Variants in CAMK1D observed in about 807,000 individuals in gnomAD.
The protein encoded by CAMK1D is calcium/calmodulin dependent protein kinase ID.
CAMK1D carries 9 observed loss-of-function variants against 47.7 expected under a neutral mutation model. The observed-to-expected ratio is 0.19, with a 90% CI of 0.11 to 0.33. The LOEUF (loss-of-function observed/expected upper bound fraction) is 0.33. CAMK1D is among the 10% of genes least tolerant of loss of function. The pLI, the probability that CAMK1D is intolerant of heterozygous loss-of-function variation, is 1.00. For synonymous variants in CAMK1D, 184 were observed against 184.9 expected, an observed-to-expected ratio of 0.99 and a Z score of 0.04; for missense variants, 291 against 488.7, an observed-to-expected ratio of 0.60 and a Z score of 3.81.
intron 1 of CAMK1D, among the ~76,000 whole-genome samples, chr10:12,393,411 C>CA (rs1838819041): frequency 6.6e-6 from 1 of 152,074 alleles, no homozygotes; most frequent in Non-Finnish European, 1.5e-5. Flanking sequence ...CTGAGAGAGG[C>CA]AAAAACATTT....
intron 3 of CAMK1D, among the ~76,000 whole-genome samples, chr10:12,744,778 G>A (rs1438264112): frequency 6.6e-6 from 1 of 151,668 alleles, no homozygotes; most frequent in Admixed American, 6.6e-5. Context: ...GCTCATGCCT[G>A]TAATCCCAGC....
chr10:12,592,791 A>G (rs1451539919), intron 2 of CAMK1D, among the ~76,000 whole-genome samples: 1 of 152,248 alleles, frequency 6.6e-6, no homozygotes, highest in Non-Finnish European at 1.5e-5. Context: ...ATTATTAGGC[A>G]GAAATCCTGT....
At chr10:12,721,204 G>T (rs1056481203) in intron 3 of CAMK1D, among the ~76,000 whole-genome samples, 1 of 152,184 alleles carries the variant, frequency 6.6e-6, no homozygotes, top group African/African-American at 2.4e-5. Flanking sequence ...ATATCCTGTC[G>T]TGGTTCCCCA....
At chr10:12,805,337 A>G (rs1312749835) in intron 6 of CAMK1D, among the ~76,000 whole-genome samples, 1 of 150,946 alleles carries the variant, frequency 6.6e-6, no homozygotes, top group Non-Finnish European at 1.5e-5. Context: ...CATTATAATC[A>G]TGATAATAAG....
intron 1 of CAMK1D, among the ~76,000 whole-genome samples, chr10:12,489,561 G>A (rs1379802034): frequency 6.6e-6 from 1 of 152,188 alleles, no homozygotes; most frequent in Non-Finnish European, 1.5e-5. Flanking sequence ...CAGGCTCTTG[G>A]GGTGGCCTTG....
intron 1 of CAMK1D, among the ~76,000 whole-genome samples, chr10:12,390,699 G>T (rs898066271): frequency 6.6e-6 from 1 of 152,150 alleles, no homozygotes. Flanking sequence ...GTCATGTCAC[G>T]TGGGAGCAGA....
chr10:12,639,312 C>G (rs1373005573), intron 2 of CAMK1D, among the ~76,000 whole-genome samples: 2 of 152,188 alleles, frequency 1.3e-5, no homozygotes, highest in African/African-American at 4.8e-5. Flanking sequence ...TGGTGAAACC[C>G]TGTGTCTACT....
At chr10:12,518,427 C>T (rs1835274838) in intron 1 of CAMK1D, among the ~76,000 whole-genome samples, 1 of 152,136 alleles carries the variant, frequency 6.6e-6, no homozygotes, top group Non-Finnish European at 1.5e-5. Context: ...CTTTTATTAG[C>T]CCTTTAATGT....
At chr10:12,362,488 G>C (rs12358303) in intron 1 of CAMK1D, among the ~76,000 whole-genome samples, 1 of 109,034 alleles carries the variant, frequency 9.2e-6, no homozygotes, top group Admixed American at 1.0e-4. Context: ...TGTACTTTTT[G>C]TTTTTTGTTT....
intron 1 of CAMK1D, among the ~76,000 whole-genome samples, chr10:12,534,487 C>T (rs1835907301): frequency 6.6e-6 from 1 of 152,208 alleles, no homozygotes; most frequent in South Asian, 2.1e-4. Flanking sequence ...CTGTCTCAGC[C>T]TCCTGAGTAG....
At chr10:12,733,512 A>G (rs926537356) in intron 3 of CAMK1D, among the ~76,000 whole-genome samples, 3 of 152,180 alleles carry the variant, frequency 2.0e-5, no homozygotes, top group Non-Finnish European at 4.4e-5. Flanking sequence ...AATTTCCATC[A>G]GACTAGGCAA....
intron 5 of CAMK1D, among the ~76,000 whole-genome samples, chr10:12,783,397 A>G (rs1588922301): frequency 6.6e-6 from 1 of 152,346 alleles, no homozygotes; most frequent in African/African-American, 2.4e-5. Flanking sequence ...TGGAGGGGTC[A>G]TGTGTGAAGG....
chr10:12,480,811 C>T (rs1834041633), intron 1 of CAMK1D, among the ~76,000 whole-genome samples: 2 of 152,166 alleles, frequency 1.3e-5, no homozygotes, highest in Admixed American at 1.3e-4. Flanking sequence ...AATAAGTGCA[C>T]ATTGGATGGC....
chr10:12,466,980 T>C (rs1039674873), intron 1 of CAMK1D, among the ~76,000 whole-genome samples: 2 of 152,156 alleles, frequency 1.3e-5, no homozygotes, highest in East Asian at 1.9e-4. Context: ...ATGACTCATT[T>C]TGAAGCAAAG....
intron 1 of CAMK1D, among the ~76,000 whole-genome samples, chr10:12,404,132 G>A (rs1021063900): frequency 2.0e-5 from 3 of 151,370 alleles, no homozygotes; most frequent in Non-Finnish European, 2.9e-5. Flanking sequence ...CGCAACCTCC[G>A]CCTCCCAGGT....
At chr10:12,360,063 A>G (rs1385107068) in intron 1 of CAMK1D, among the ~76,000 whole-genome samples, 2 of 152,104 alleles carry the variant, frequency 1.3e-5, no homozygotes, top group Non-Finnish European at 2.9e-5. Context: ...AATGTCCGGG[A>G]TCTTGATTTA....
chr10:12,429,973 C>T (rs1458438493), intron 1 of CAMK1D, among the ~76,000 whole-genome samples: 1 of 152,022 alleles, frequency 6.6e-6, no homozygotes, highest in Non-Finnish European at 1.5e-5. Flanking sequence ...CCCTCCCCAC[C>T]CCGGGGAGTC....
intron 3 of CAMK1D, among the ~76,000 whole-genome samples, chr10:12,723,733 G>T (rs1028884483): frequency 1.3e-5 from 2 of 151,974 alleles, no homozygotes; most frequent in Non-Finnish European, 2.9e-5. Context: ...AGCAGGTTTT[G>T]TTGTTGTTGT....
intron 1 of CAMK1D, among the ~76,000 whole-genome samples, chr10:12,370,336 A>G (rs1195387378): frequency 1.6e-5 from 2 of 127,248 alleles, no homozygotes; most frequent in East Asian, 3.5e-4. Flanking sequence ...ATAATAAACA[A>G]TGATGTTACT....
Sources: gnomAD v4.1 joint callset for allele counts (sites outside exome capture counted in the v4.1 genomes callset) on GRCh38, gnomAD v4.1.1 for gene constraint, MANE v1.5 for transcripts, NCBI Gene and HGNC (gene_info 2026-07-23, HGNC 2026-07-21) for gene names.